COL6A2: variants seen among roughly 807,000 people sequenced by gnomAD.
COL6A2 encodes collagen alpha-2(VI) chain.
Under a neutral mutation model 124.9 loss-of-function variants are expected in COL6A2, and 90 were observed. That is an observed-to-expected ratio of 0.72 (90% CI 0.61 to 0.86). The LOEUF is 0.86. COL6A2 is among the 40% of genes least tolerant of loss of function. The pLI, the probability that COL6A2 is intolerant of heterozygous loss-of-function variation, is 0.00. For missense variants in COL6A2, 1,607 were observed against 1,502.5 expected (o/e 1.07, Z -1.15); for synonymous variants, 793 against 618.2 (o/e 1.28, Z -4.19).
intron 21 of COL6A2, among the ~76,000 whole-genome samples, chr21:46,124,233 GTGAC>G (rs1278085301): frequency 6.6e-6 from 1 of 150,664 alleles, no homozygotes; most frequent in Admixed American, 6.6e-5. Flanking sequence ...TGATGGATGG[GTGAC>G]TGGGTGGATG....
chr21:46,132,827 C>CTA lies in COL6A2; in HGVS notation c.*275_*276insTA, dbSNP rs1440099012. ...CCCTGAGCTCTGGAGCAAGCCCTGA[C>CTA]CCAATAAAGGCTTTGAACCCATTGC... is the stretch of plus-strand genomic sequence containing the variant. On this transcript the variant is annotated 3_prime_UTR_variant, in exon 28 of 28. Coordinates refer to ENST00000300527, the MANE Select transcript of COL6A2 (RefSeq NM_001849.4). The CTA allele has an allele frequency of 1.8e-6, 1 of 554,898 alleles. No homozygotes were observed. The highest frequency in any genetic ancestry group is 1.9e-5 in the African/African-American group (1 of 52,494). 34.4% of individuals were successfully genotyped at this position (554,898 alleles called of 1,614,324 possible).
At chr21:46,120,622 G>T (rs1178510681) in intron 16 of COL6A2, 45 bp downstream of exon 16, 2 of 1,427,530 alleles carry the variant, frequency 1.4e-6, no homozygotes, top group African/African-American at 1.4e-5. Flanking sequence ...GGGATCTGAG[G>T]GGGTGCAGGG....
Position 46,112,210 on chromosome 21 carries a change from C to T in COL6A2, c.347C>T (p.Ala116Val). The change falls in exon 3 of 28, where the codon GCC becomes GTC. Residue 116 changes from alanine to valine, a missense_variant. Transcript: ENST00000300527. ...EVFSPPGSDRASFIKNLQGIS... is the reference protein window; with the variant it reads ...EVFSPPGSDRVSFIKNLQGIS... ...TTCAGCCCACCGGGCAGCGACCGGGCCTCCTTCATCAAGAACCTGCAGGGC... is the reference window on the plus strand; with the variant it reads ...TTCAGCCCACCGGGCAGCGACCGGGTCTCCTTCATCAAGAACCTGCAGGGC... 1 of 1,612,944 alleles carries T rather than the reference C, an allele frequency of 6.2e-7. No individual in the cohort carries two copies. The highest frequency in any genetic ancestry group is 8.5e-7 in the Non-Finnish European group (1 of 1,180,030).
chr21:46,131,770 G>T (rs1243276797), intron 27 of COL6A2, among the ~76,000 whole-genome samples, 184 bp from the exon 28 acceptor site: 1 of 152,260 alleles, frequency 6.6e-6, no homozygotes, highest in Non-Finnish European at 1.5e-5. Context: ...CAGCAGTGCC[G>T]CCTGAAAGTG....
chr21:46,124,373 G>C (rs1363748817), intron 21 of COL6A2, among the ~76,000 whole-genome samples: 1 of 152,122 alleles, frequency 6.6e-6, no homozygotes, highest in Non-Finnish European at 1.5e-5. Context: ...CCCATGGATT[G>C]GAATGAGCTG....
Position 46,119,779 on chromosome 21 carries a change from T to C in COL6A2, c.1270-9T>C. ...CCCCCTCCCTCACCCACACGCCTGT[T>C]CTCTGCAGGGGCGCAGGGGAGACCC... On this transcript the variant is annotated splice_polypyrimidine_tract_variant and intron_variant, in intron 14 of 27. Transcript: ENST00000300527. 1.9e-6 allele frequency: 3 copies of C among 1,558,064 alleles called. No homozygotes were observed. Among genetic ancestry groups the C allele is most frequent in the Non-Finnish European group, 1.7e-6 (2 of 1,150,584 alleles).
chr21:46,105,745 A>G (rs1248328520), intron 1 of COL6A2, among the ~76,000 whole-genome samples: 2 of 152,240 alleles, frequency 1.3e-5, no homozygotes, highest in Non-Finnish European at 2.9e-5. Context: ...GGAATGAGGA[A>G]GGGATTTAAA....
At chr21:46,130,361 C>G (rs149518227) in intron 27 of COL6A2, among the ~76,000 whole-genome samples, 3,012 of 152,294 alleles carry the variant, frequency 0.02, 99 homozygotes, top group South Asian at 0.086. Context: ...GGATCACCAT[C>G]CAAAGGGAGC....
intron 21 of COL6A2, among the ~76,000 whole-genome samples, chr21:46,123,142 T>G (rs754639948): frequency 1.3e-5 from 1 of 76,944 alleles, no homozygotes; most frequent in Admixed American, 1.6e-4. Context: ...CCCTCCCCAG[T>G]GACCCCCCAA....
chr21:46,127,577 A>G (rs565159105), intron 27 of COL6A2, among the ~76,000 whole-genome samples: 7 of 152,284 alleles, frequency 4.6e-5, no homozygotes, highest in Admixed American at 1.3e-4. Context: ...CCCAGGGTCC[A>G]CATCAGCAGC....
At chr21:46,101,220 T>G (rs768864521) in intron 1 of COL6A2, among the ~76,000 whole-genome samples, 1 of 152,222 alleles carries the variant, frequency 6.6e-6, no homozygotes, top group Non-Finnish European at 1.5e-5. Flanking sequence ...GGGAGAAATA[T>G]CTGTTTAAGT....
rs568631285 is a variant in COL6A2 at position 46,122,795 on chromosome 21, T to A, written c.1609-80T>A. On this transcript the variant is annotated intron_variant, in intron 20 of 27. Coordinates refer to ENST00000300527, the MANE Select transcript of COL6A2 (RefSeq NM_001849.4). ...AAGGACCCCAAAATGCCAGATCGAT[T>A]TTTCCACATAAAAATCTCACTGGTG... 112 of 1,439,884 alleles carry A rather than the reference T, an allele frequency of 7.8e-5. No homozygotes were observed. In the African/African-American group the frequency reaches 1.5e-3, roughly 19 times the overall value. The allele number at this position is 1,439,884 out of a possible 1,614,324, so 89.2% of individuals were successfully genotyped here. A position where few individuals can be genotyped will look rare whatever the true frequency, so the allele number is the denominator to read the frequency against.
At chr21:46,126,441 G>A (rs1204773836) in intron 26 of COL6A2, 62 bp from the exon 27 acceptor site, 12 of 1,603,488 alleles carry the variant, frequency 7.5e-6, no homozygotes, top group East Asian at 4.5e-5. Context: ...ATCAGTGAAC[G>A]GCCGCTGAGG....
intron 27 of COL6A2, chr21:46,129,555 C>A: frequency 6.8e-7 from 1 of 1,479,916 alleles, no homozygotes; most frequent in Non-Finnish European, 8.9e-7. Flanking sequence ...AGGGCTGCCC[C>A]CGACAGGCTG....
intron 1 of COL6A2, among the ~76,000 whole-genome samples, chr21:46,107,988 A>T (rs966000186): frequency 3.3e-5 from 5 of 152,146 alleles, no homozygotes; most frequent in African/African-American, 4.8e-5. Flanking sequence ...AATATTTTAC[A>T]GAGTTTGACT....
chr21:46,125,187 G>A, intron 23 of COL6A2, 79 bp from the exon 24 acceptor site: 1 of 1,388,658 alleles, frequency 7.2e-7, no homozygotes, highest in Non-Finnish European at 1.0e-6. Flanking sequence ...AATGTCCCGG[G>A]ACCCCCAGGC....
chr21:46,118,597 T>G lies in COL6A2; in HGVS notation c.1117-17T>G. On this transcript the variant is annotated splice_polypyrimidine_tract_variant and intron_variant, in intron 12 of 27. Coordinates refer to ENST00000300527, the MANE Select transcript of COL6A2 (RefSeq NM_001849.4). ...CCCTGCCAAAAGACGTGAGGCTGATTCTGCAAACCCTTCCAGGGGGACCCT... is the reference window on the plus strand; with the variant it reads ...CCCTGCCAAAAGACGTGAGGCTGATGCTGCAAACCCTTCCAGGGGGACCCT... 6.2e-7 allele frequency: 1 copy of G among 1,612,244 alleles called. No homozygotes were observed. The highest frequency in any genetic ancestry group is 1.1e-5 in the South Asian group (1 of 90,872).
At chr21:46,123,523 G>A (rs1373520340) in intron 21 of COL6A2, among the ~76,000 whole-genome samples, 2 of 151,988 alleles carry the variant, frequency 1.3e-5, no homozygotes, top group East Asian at 3.9e-4. Context: ...ATGGGCAAGT[G>A]GATGGGGGTG....
At position 46,132,117 on chromosome 21, in the gene COL6A2, A is replaced by T; in HGVS notation, c.2625A>T (p.Ala875=). 6.3e-7 allele frequency: 1 copy of T among 1,583,804 alleles called. No homozygotes were observed. The highest frequency in any genetic ancestry group is 8.6e-7 in the Non-Finnish European group (1 of 1,167,744). The change falls in exon 28 of 28, where the codon GCA becomes GCT. Residue 875 remains alanine (A), a synonymous_variant. Coordinates refer to ENST00000300527, the MANE Select transcript of COL6A2 (RefSeq NM_001849.4). ...GGAGGGACGACGACCCTCTCAACGCACGCGTGGCGCTGCTGCAGTTTGGTG... is the reference window on the plus strand; with the variant it reads ...GGAGGGACGACGACCCTCTCAACGCTCGCGTGGCGCTGCTGCAGTTTGGTG... ...LARRDDDPLN[A]RVALLQFGGP...
Sources: allele counts gnomAD v4.1 joint callset (sites outside exome capture counted in the v4.1 genomes callset), GRCh38; gene constraint gnomAD v4.1.1; transcripts MANE v1.5; gene names NCBI Gene and HGNC (gene_info 2026-07-23, HGNC 2026-07-21).